DAPK1: variants seen among roughly 807,000 people sequenced by gnomAD.
DAPK1 encodes death associated protein kinase 1, also known as death-associated protein kinase 1.
DAPK1 carries 56 observed loss-of-function variants against 144.9 expected under a neutral mutation model. The observed-to-expected ratio is 0.39, with a 90% CI of 0.31 to 0.48. DAPK1 has a LOEUF of 0.48. DAPK1 is among the 20% of genes least tolerant of loss of function. The pLI is 0.95. For synonymous variants in DAPK1, 690 were observed against 749.0 expected, an observed-to-expected ratio of 0.92 and a Z score of 1.29; for missense variants, 1,454 against 1,875.4, an observed-to-expected ratio of 0.78 and a Z score of 4.15.
chr9:87,686,686 C>A lies in DAPK1; in HGVS notation c.2360C>A (p.Ser787Ter). The A allele has an allele frequency of 6.2e-7, 1 of 1,613,316 alleles. No individual in the cohort carries two copies. ...FVAPTHHPHC[S>*]ADDQSTKAID... ...GCCCCGACCCACCACCCGCACTGCT[C>A]GGCCGATGACCAGTCCACCAAGGCC... Residue 787 changes from serine to a stop codon, truncating the protein, a stop_gained, in exon 21 of 26, where the codon TCG (serine) becomes TAG (stop). Coordinates refer to ENST00000408954, the MANE Select transcript of DAPK1 (RefSeq NM_004938.4). LOFTEE classifies it high-confidence loss of function. The surrounding 1 kb of genome is among the most constrained non-coding windows in gnomAD (Gnocchi z 4.2).
In DAPK1 at chr9:87,700,168, G is replaced by A. The variant is rs1473638301; in HGVS notation, c.2802G>A (p.Gly934=). 7 of 1,607,918 alleles carry A rather than the reference G, an allele frequency of 4.4e-6. No homozygotes were observed. Among genetic ancestry groups the A allele is most frequent in the African/African-American group, 1.3e-5 (1 of 74,804 alleles). The part of the protein sequence containing the change: ...ISNKLFVLDA[G]ASGSKDMKVL... ...ATAAGCTGTTTGTTCTGGATGCTGG[G>A]GCTTCTGGGTCAAAGGACATGAAGG... is the stretch of plus-strand genomic sequence containing the variant. The change falls in exon 24 of 26, where the codon GGG becomes GGA. Residue 934 remains glycine, a synonymous_variant. Transcript: ENST00000408954.
chr9:87,507,144 C>CAGCT (rs1824631921), intron 2 of DAPK1: 1 of 152,194 alleles, frequency 6.6e-6, no homozygotes, highest in African/African-American at 2.4e-5. Flanking sequence ...GTGACATTGA[C>CAGCT]AGCTGGTGTG....
At chr9:87,552,744 AC>A (rs1303522942) in intron 2 of DAPK1, among the ~76,000 whole-genome samples, 2 of 144,744 alleles carry the variant, frequency 1.4e-5, no homozygotes, top group African/African-American at 5.3e-5. Context: ...GACATGCCCC[AC>A]TGTACCCCGT....
chr9:87,633,344 A>G, intron 3 of DAPK1: 1 of 985,092 alleles, frequency 1.0e-6, no homozygotes, highest in Non-Finnish European at 1.2e-6. Context: ...AGATGAGTAT[A>G]TGTGCGTATG....
Position 87,499,013 on chromosome 9 carries a change from G to T in DAPK1, c.-65G>T. 1 of 1,340,586 alleles carries T rather than the reference G, an allele frequency of 7.5e-7. No individual in the cohort carries two copies. The highest frequency in any genetic ancestry group is 1.1e-6 in the Non-Finnish European group (1 of 931,662). The allele number at this position is 1,340,586 out of a possible 1,614,324, so 83.0% of individuals were successfully genotyped here. A position where few individuals can be genotyped will look rare whatever the true frequency, so the allele number is the denominator to read the frequency against. On this transcript the variant is annotated 5_prime_UTR_variant, in exon 2 of 26. Coordinates refer to ENST00000408954, the MANE Select transcript of DAPK1 (RefSeq NM_004938.4). Reference sequence around the variant, plus strand: ...GAGGGGGCTACGGAGGCGCAGGAGCGGTGGTGATGGTCTGGGAAGCGGAGC... The same window carrying T: ...GAGGGGGCTACGGAGGCGCAGGAGCTGTGGTGATGGTCTGGGAAGCGGAGC...
chr9:87,652,801 TC>T (rs1170805973), intron 17 of DAPK1, among the ~76,000 whole-genome samples: 4 of 148,422 alleles, frequency 2.7e-5, no homozygotes, highest in Non-Finnish European at 4.5e-5. Context: ...TCCCACCTGA[TC>T]CCAGGTCCTG....
At chr9:87,584,666 G>GTGTT (rs1827877787) in intron 2 of DAPK1, among the ~76,000 whole-genome samples, 1 of 75,582 alleles carries the variant, frequency 1.3e-5, no homozygotes, top group Non-Finnish European at 2.6e-5. Context: ...ATAGCTCATT[G>GTGTT]TGTGTGTGTG....
rs929367738 is a variant in DAPK1, at chr9:87,511,063, T to C, written c.62+11924T>C. On this transcript the variant is annotated intron_variant, in intron 2 of 25. Transcript: ENST00000408954. ...CCTACCTCTTCATTCATTCCTGCCC[T>C]GGCCTCCCACAGGCAGAGTGCGGGT... Among the ~76,000 whole-genome samples the C allele has an allele frequency of 1.4e-4, 21 of 152,290 alleles. No homozygotes were observed. The Middle Eastern group carries it at 0.014, about 99-fold the overall frequency.
intron 17 of DAPK1, among the ~76,000 whole-genome samples, chr9:87,655,043 A>T (rs1352423523): frequency 6.6e-6 from 1 of 152,220 alleles, no homozygotes; most frequent in Admixed American, 6.5e-5. Flanking sequence ...GCTGACATAA[A>T]CTTGTGTAAT....
intron 2 of DAPK1, among the ~76,000 whole-genome samples, chr9:87,499,923 A>G (rs1171254024): frequency 6.6e-6 from 1 of 152,116 alleles, no homozygotes; most frequent in Non-Finnish European, 1.5e-5. Context: ...TTAGTAGAAA[A>G]CCTAGTTTTC....
chr9:87,701,507 A>C (rs1260737842), intron 24 of DAPK1, among the ~76,000 whole-genome samples: 2 of 152,208 alleles, frequency 1.3e-5, no homozygotes, highest in African/African-American at 4.8e-5. Flanking sequence ...GAAAGGTGAA[A>C]TAGGCTGGGA....
chr9:87,704,112 G>A (rs1431664837), intron 25 of DAPK1, among the ~76,000 whole-genome samples: 1 of 152,084 alleles, frequency 6.6e-6, no homozygotes, highest in Non-Finnish European at 1.5e-5. Flanking sequence ...TGGAGTCGCC[G>A]GGCAGTAATT....
chr9:87,633,180 G>A (rs1348108171), intron 3 of DAPK1: 25 of 981,464 alleles, frequency 2.5e-5, no homozygotes, highest in African/African-American at 3.5e-5. Flanking sequence ...GGGATGAAGG[G>A]TGATCAGTAT....
chr9:87,626,751 G>C (rs886672995), intron 3 of DAPK1, among the ~76,000 whole-genome samples: 2 of 152,252 alleles, frequency 1.3e-5, no homozygotes, highest in African/African-American at 4.8e-5. Flanking sequence ...AAGCTACAAT[G>C]ATGAGGATGC....
At chr9:87,657,138 C>T (rs1040363731) in intron 17 of DAPK1, among the ~76,000 whole-genome samples, 2 of 152,156 alleles carry the variant, frequency 1.3e-5, no homozygotes, top group African/African-American at 4.8e-5. Context: ...CAAAAGAAAT[C>T]CCTAACAGTT....
rs920659031 is a variant in DAPK1, at chr9:87,685,245, C to T, written c.2225-1306C>T. 2.0e-5 allele frequency among the ~76,000 whole-genome samples: 3 copies of T among 152,126 alleles called. No individual in the cohort carries two copies. The East Asian group carries it at 5.8e-4, about 29-fold the overall frequency. On this transcript the variant is annotated intron_variant, in intron 20 of 25. Transcript: ENST00000408954. ...TCTTGCCCTCCTAGTGCCCTTTCTC[C>T]TTTCCCTGTACCTAATCCTGCCCTT...
chr9:87,566,020 C>CTTTTT (rs11354174), intron 2 of DAPK1, among the ~76,000 whole-genome samples: 2 of 120,636 alleles, frequency 1.7e-5, no homozygotes, highest in African/African-American at 3.2e-5. Flanking sequence ...TCTCAGCATT[C>CTTTTT]TTTTTTTTTT....
At chr9:87,600,019 T>C (rs1828458754) in intron 2 of DAPK1, among the ~76,000 whole-genome samples, 1 of 152,216 alleles carries the variant, frequency 6.6e-6, no homozygotes, top group African/African-American at 2.4e-5. Flanking sequence ...CACAGCTTTG[T>C]TGTGCTTAGA....
chr9:87,708,130 A>G lies in DAPK1; in HGVS notation c.*766A>G, dbSNP rs527754866. 4.0e-6 allele frequency: 1 copy of G among 252,242 alleles called. No individual in the cohort carries two copies. Among genetic ancestry groups the G allele is most frequent in the Admixed American group, 5.2e-5 (1 of 19,314 alleles). The allele number at this position is 252,242 out of a possible 1,614,324, so 15.6% of individuals were successfully genotyped here. ...ATCAGTGTTGTTGCTCTAGGAAGAC[A>G]TTTTTCCGTTTGCTTTTGTTCCAAT... On this transcript the variant is annotated 3_prime_UTR_variant, in exon 26 of 26. Coordinates refer to ENST00000408954, the MANE Select transcript of DAPK1 (RefSeq NM_004938.4).
Sources: gnomAD v4.1 joint callset for allele counts (sites outside exome capture counted in the v4.1 genomes callset) on GRCh38, gnomAD v4.1.1 for gene constraint, Gnocchi (gnomAD v3.1) non-coding constraint, MANE v1.5 for transcripts, NCBI Gene and HGNC (gene_info 2026-07-23, HGNC 2026-07-21) for gene names.